ANAPC13: variants seen among roughly 807,000 people sequenced by gnomAD.
The protein encoded by ANAPC13 is anaphase promoting complex subunit 13, also known as anaphase-promoting complex subunit 13.
In ANAPC13, 9 loss-of-function variants were observed where a neutral mutation model predicts 9.6. The ratio of observed to expected loss-of-function variants is 0.94; its 90% CI spans 0.57 to 1.64. The LOEUF (loss-of-function observed/expected upper bound fraction) is 1.64. Ranked by LOEUF, ANAPC13 falls within the 40% of genes most tolerant of loss-of-function variation. ANAPC13 has a pLI of 0.00. For synonymous variants in ANAPC13, 30 were observed against 29.7 expected (o/e 1.01, Z -0.03); for missense variants, 75 against 85.3 (o/e 0.88, Z 0.48).
At chr3:134,478,742 A>G (rs1345938307) in intron 2 of ANAPC13, 27 bp from the exon 3 acceptor site, 4 of 1,612,956 alleles carry the variant, frequency 2.5e-6, no homozygotes, top group Admixed American at 1.7e-5. Context: ...GAAATTCAGA[A>G]CAGTAATATA....
intron 2 of ANAPC13, among the ~76,000 whole-genome samples, chr3:134,479,511 A>AT (rs1197699007): frequency 4.6e-5 from 7 of 151,296 alleles, no homozygotes; most frequent in African/African-American, 9.7e-5. Context: ...CTAATTTTGT[A>AT]TTTTTTTATT....
chr3:134,481,777 A>G (rs1934740797), intron 2 of ANAPC13, among the ~76,000 whole-genome samples: 1 of 152,230 alleles, frequency 6.6e-6, no homozygotes, highest in African/African-American at 2.4e-5. Flanking sequence ...ACCTGCTACC[A>G]GACTTTGGGC....
chr3:134,480,064 T>C (rs972757638), intron 2 of ANAPC13, among the ~76,000 whole-genome samples: 15 of 152,242 alleles, frequency 9.9e-5, no homozygotes, highest in African/African-American at 3.1e-4. Flanking sequence ...TGATATTTAC[T>C]TATCTATATT....
chr3:134,483,100 C>A (rs908130909), intron 1 of ANAPC13, 169 bp from the exon 2 acceptor site: 3 of 602,952 alleles, frequency 5.0e-6, no homozygotes, highest in East Asian at 2.8e-5. Flanking sequence ...CCAACCCCAA[C>A]TGATACATAT....
chr3:134,482,448 C>T (rs1039580137), intron 2 of ANAPC13, among the ~76,000 whole-genome samples: 3 of 152,218 alleles, frequency 2.0e-5, no homozygotes, highest in African/African-American at 7.2e-5. Context: ...GAGCCACAGG[C>T]AGGGAAGTAA....
rs1406542994 is a variant in ANAPC13, at chr3:134,485,983, C to T, written c.-59G>A. 1 of 890,686 alleles carries T rather than the reference C, an allele frequency of 1.1e-6. No homozygotes were observed. The highest frequency in any genetic ancestry group is 1.3e-6 in the Non-Finnish European group (1 of 790,474). The allele number at this position is 890,686 out of a possible 1,614,324, so 55.2% of individuals were successfully genotyped here. ...CCGGCCACCGCGGCAGACGCTTGCT[C>T]CTGCCACGCCCCCCCCCCCTCCCCC... is the stretch of plus-strand genomic sequence containing the variant. On this transcript the variant is annotated 5_prime_UTR_variant, in exon 1 of 3. Transcript: ENST00000354910.
At chr3:134,483,631 G>A (rs1287894614) in intron 1 of ANAPC13, among the ~76,000 whole-genome samples, 2 of 152,158 alleles carry the variant, frequency 1.3e-5, no homozygotes, top group South Asian at 4.1e-4. Context: ...CTCTGAAACT[G>A]CTATAATCTA....
chr3:134,485,991 G>GCCCCCCCCCCCC (rs5852785), upstream of ANAPC13: 47 of 940,484 alleles, frequency 5.0e-5, 1 homozygote, highest in African/African-American at 6.4e-4. Context: ...CTCCTGCCAC[G>GCCCCCCCCCCCC]CCCCCCCCCC....
chr3:134,478,699 G>A lies in ANAPC13; in HGVS notation c.116C>T (p.Pro39Leu). Residue 39 changes from proline to leucine, a missense_variant, in exon 3 of 3, where the codon CCT (proline) becomes CTT (leucine). Physicochemically the swap from Pro to Leu is moderately conservative, Grantham distance 98. Coordinates refer to ENST00000354910, the MANE Select transcript of ANAPC13 (RefSeq NM_015391.4). ...VAIPLNELPE[P>L]EQDNGGTTES... ...TGTGGTGCCACCATTGTCTTGTTCAGGTTCAGGAAGCTCATTCTGAAAAGG... is the reference window on the plus strand; with the variant it reads ...TGTGGTGCCACCATTGTCTTGTTCAAGTTCAGGAAGCTCATTCTGAAAAGG... 1 of 1,613,810 alleles carries A rather than the reference G, an allele frequency of 6.2e-7. No individual in the cohort carries two copies. The highest frequency in any genetic ancestry group is 8.5e-7 in the Non-Finnish European group (1 of 1,179,954).
At position 134,484,311 on chromosome 3, in the gene ANAPC13, C is replaced by T. The variant is rs867169088; in HGVS notation, c.-27-1380G>A. On this transcript the variant is annotated intron_variant, in intron 1 of 2. Transcript: ENST00000354910. ...AGGAGAATGGCGTGAACCTGGGAGG[C>T]GGAGCTTGCAGTGAGCCGAGATAGC... 5.5e-4 allele frequency among the ~76,000 whole-genome samples: 83 copies of T among 152,040 alleles called. 1 individual carries two copies. The highest frequency in any genetic ancestry group is 4.5e-3 in the Admixed American group (69 of 15,288).
intron 1 of ANAPC13, among the ~76,000 whole-genome samples, chr3:134,484,914 C>T (rs1301771523): frequency 1.3e-5 from 2 of 152,206 alleles, no homozygotes; most frequent in Non-Finnish European, 2.9e-5. Context: ...GCTTTGTGGT[C>T]AATTGCTCAG....
In ANAPC13 at chr3:134,478,381, T is replaced by C; in HGVS notation, c.*209A>G. On this transcript the variant is annotated 3_prime_UTR_variant, in exon 3 of 3. Coordinates refer to ENST00000354910, the MANE Select transcript of ANAPC13 (RefSeq NM_015391.4). ...CAAATATAAGCTACTCAATGAAGAG[T>C]TTTAGGTTTAAAGAGCGAAATATTC... 1.7e-6 allele frequency: 1 copy of C among 597,256 alleles called. No homozygotes were observed. Among genetic ancestry groups the C allele is most frequent in the Non-Finnish European group, 2.8e-6 (1 of 351,222 alleles). The allele number at this position is 597,256 out of a possible 1,614,324, so 37.0% of individuals were successfully genotyped here.
upstream of ANAPC13, chr3:134,485,997 C>T: frequency 1.0e-6 from 1 of 980,848 alleles, no homozygotes; most frequent in Non-Finnish European, 1.2e-6. Context: ...CCACGCCCCC[C>T]CCCCCTCCCC....
intron 1 of ANAPC13, among the ~76,000 whole-genome samples, chr3:134,485,075 T>C (rs1934980964): frequency 1.3e-5 from 2 of 152,174 alleles, no homozygotes; most frequent in South Asian, 4.1e-4. Context: ...TAAAACCCCC[T>C]TTTCCACATC....
rs116446322 is a variant in ANAPC13, at chr3:134,483,224, T to C, written c.-27-293A>G. The C allele has an allele frequency of 1.9e-3, 596 of 314,374 alleles. 5 individuals carry two copies. Among genetic ancestry groups the C allele is most frequent in the African/African-American group, 0.012 (557 of 48,168 alleles). 19.5% of individuals were successfully genotyped at this position (314,374 alleles called of 1,614,324 possible). ...CAAATATTAATATGTTGCATCTCAA[T>C]GTAGCTCTTCTCTTCTAACTTGAAC... On this transcript the variant is annotated intron_variant, in intron 1 of 2. Transcript: ENST00000354910.
chr3:134,482,812 T>C lies in ANAPC13; in HGVS notation c.93A>G (p.Ile31Met). The change falls in exon 2 of 3, where the codon ATA becomes ATG. Residue 31 changes from isoleucine to methionine, a missense_variant. Ile to Met is a conservative substitution (Grantham distance 10, BLOSUM62 1). Coordinates refer to ENST00000354910, the MANE Select transcript of ANAPC13 (RefSeq NM_015391.4). ...EDKLPYEDVA[I>M]PLNELPEPEQ... ...AGCTCAAATCATAACCTACCAGTGG[T>C]ATTGCGACATCCTCATAAGGCAGCT... 6.2e-7 allele frequency: 1 copy of C among 1,613,932 alleles called. No individual in the cohort carries two copies. Among genetic ancestry groups the C allele is most frequent in the African/African-American group, 1.3e-5 (1 of 75,036 alleles).
intron 1 of ANAPC13, among the ~76,000 whole-genome samples, chr3:134,484,450 A>G (rs1230493135): frequency 6.6e-6 from 1 of 152,162 alleles, no homozygotes; most frequent in Non-Finnish European, 1.5e-5. Context: ...TAACTGCAAG[A>G]TATCCCTAAC....
Position 134,478,659 on chromosome 3 carries a change from T to G in ANAPC13, c.156A>C (p.Glu52Asp), listed in dbSNP as rs762538664. ...DNGGTTESVKEQEMKWTDLAL... is the reference protein window; with the variant it reads ...DNGGTTESVKDQEMKWTDLAL... The stretch of plus-strand genomic sequence containing the variant: ...CTAAGTCTGTCCACTTCATTTCTTG[T>G]TCTTTGACAGATTCTGTGGTGCCAC... The change falls in exon 3 of 3, where the codon GAA (glutamate) becomes GAC (aspartate). Residue 52 changes from glutamate to aspartate, a missense_variant. Physicochemically the swap from Glu to Asp is conservative, Grantham distance 45. Coordinates refer to ENST00000354910, the MANE Select transcript of ANAPC13 (RefSeq NM_015391.4). The G allele has an allele frequency of 5.0e-6, 8 of 1,614,048 alleles. No individual in the cohort carries two copies. In the East Asian group the frequency reaches 1.8e-4, roughly 36 times the overall value.
At chr3:134,484,758 T>G (rs35782477) in intron 1 of ANAPC13, among the ~76,000 whole-genome samples, 14,463 of 152,302 alleles carry the variant, frequency 0.095, 933 homozygotes, top group Non-Finnish European at 0.14. Context: ...CTCACTTTCC[T>G]CAGCTGATCC....
Sources: allele counts gnomAD v4.1 joint callset (sites outside exome capture counted in the v4.1 genomes callset), GRCh38; gene constraint gnomAD v4.1.1; transcripts MANE v1.5; gene names NCBI Gene and HGNC (gene_info 2026-07-23, HGNC 2026-07-21).